HECW2: variants seen among roughly 807,000 people sequenced by gnomAD.
HECW2 encodes the protein E3 ubiquitin-protein ligase HECW2.
HECW2 carries 61 observed loss-of-function variants against 175.2 expected under a neutral mutation model. That is an observed-to-expected ratio of 0.35 (90% CI 0.28 to 0.43). The LOEUF is 0.43. Ranked by LOEUF, HECW2 falls within the 20% of genes least tolerant of loss-of-function variation. The probability of loss-of-function intolerance (pLI) is 1.00; values close to 1 mark genes in which losing one functional copy is unlikely to be tolerated. For missense variants in HECW2, 1,524 were observed against 2,000.5 expected (o/e 0.76, Z 4.54); for synonymous variants, 671 against 731.0 (o/e 0.92, Z 1.32).
chr2:196,393,060 T>G (rs1694560080), intron 2 of HECW2, among the ~76,000 whole-genome samples: 1 of 152,176 alleles, frequency 6.6e-6, no homozygotes, highest in Non-Finnish European at 1.5e-5. Context: ...GGGGAAAGGA[T>G]TCCCTATTTA....
chr2:196,284,409 G>C (rs1690305079), intron 14 of HECW2, among the ~76,000 whole-genome samples: 1 of 152,156 alleles, frequency 6.6e-6, no homozygotes, highest in Non-Finnish European at 1.5e-5. Context: ...TCTCAATTAA[G>C]ACCTCCATCA....
intron 2 of HECW2, among the ~76,000 whole-genome samples, chr2:196,366,804 T>C (rs532241690): frequency 5.3e-5 from 8 of 152,340 alleles, no homozygotes; most frequent in Admixed American, 6.5e-5. Flanking sequence ...ATCCCCCTTC[T>C]CTAATTCAAT....
At chr2:196,212,183 A>C (rs17300883) in intron 28 of HECW2, among the ~76,000 whole-genome samples, 9,614 of 121,954 alleles carry the variant, frequency 0.079, 1,012 homozygotes, top group African/African-American at 0.27. Context: ...TTTTTCTCCC[A>C]TGTGTGCAAT....
chr2:196,530,476 C>T (rs903858742), intron 1 of HECW2, among the ~76,000 whole-genome samples: 3 of 152,190 alleles, frequency 2.0e-5, no homozygotes, highest in Non-Finnish European at 4.4e-5. Flanking sequence ...GCCTAACTGA[C>T]CTTCCAGCCT....
chr2:196,203,068 T>A (rs62184562), intron 28 of HECW2, among the ~76,000 whole-genome samples: 19,894 of 152,188 alleles, frequency 0.13, 1,632 homozygotes, highest in Middle Eastern at 0.29. Context: ...TGTGGCATCA[T>A]GTTGGCACTC....
intron 1 of HECW2, among the ~76,000 whole-genome samples, chr2:196,583,812 G>T (rs1690879187): frequency 6.6e-6 from 1 of 152,168 alleles, no homozygotes; most frequent in South Asian, 2.1e-4. Context: ...TCAATACTGG[G>T]CATTACACAG....
In HECW2 at chr2:196,242,125, C is replaced by A. The variant is rs1168969784; in HGVS notation, c.3609G>T (p.Lys1203Asn). 1 of 1,614,192 alleles carries A rather than the reference C, an allele frequency of 6.2e-7. No homozygotes were observed. The highest frequency in any genetic ancestry group is 1.1e-5 in the South Asian group (1 of 91,078). Residue 1203 changes from lysine (K) to asparagine (N), a missense_variant, in exon 20 of 29, where the codon AAG (lysine) becomes AAT (asparagine). By Grantham distance (94) the Lys-to-Asn change is moderately conservative. Coordinates refer to ENST00000644978, the MANE Select transcript of HECW2 (RefSeq NM_001348768.2). ...FEAKLRNFYRKLETKGYGQGP... is the reference protein window; with the variant it reads ...FEAKLRNFYRNLETKGYGQGP... ...CTTGTCCATATCCTTTAGTCTCTAA[C>A]TTCCTGTAAAAGTTCCTCAGTTTGG...
chr2:196,389,603 T>G (rs549955407), intron 2 of HECW2, among the ~76,000 whole-genome samples: 1 of 152,182 alleles, frequency 6.6e-6, no homozygotes, highest in Admixed American at 6.5e-5. Flanking sequence ...ATCTGCCTCC[T>G]GCCTCTGCAA....
chr2:196,237,101 T>C (rs1047583691), intron 21 of HECW2, among the ~76,000 whole-genome samples: 1 of 152,234 alleles, frequency 6.6e-6, no homozygotes, highest in African/African-American at 2.4e-5. Context: ...ACCCCAGACC[T>C]ACAGCAGTTT....
At chr2:196,557,150 C>T (rs1321502101) in intron 1 of HECW2, among the ~76,000 whole-genome samples, 1 of 152,140 alleles carries the variant, frequency 6.6e-6, no homozygotes, top group African/African-American at 2.4e-5. Flanking sequence ...AATCCCAGCA[C>T]TTTGGGAGCC....
intron 2 of HECW2, among the ~76,000 whole-genome samples, chr2:196,365,976 C>T (rs547711166): frequency 9.9e-4 from 151 of 152,280 alleles, no homozygotes; most frequent in African/African-American, 3.5e-3. Context: ...CAAAGCTTAC[C>T]CATACTTTTG....
intron 1 of HECW2, among the ~76,000 whole-genome samples, chr2:196,488,629 TACACACAC>T (rs139434140): frequency 2.7e-5 from 4 of 147,080 alleles, no homozygotes; most frequent in African/African-American, 9.9e-5. Flanking sequence ...GAAGAATGAA[TACACACAC>T]ACACACACAC....
At chr2:196,354,751 T>C (rs546181244) in intron 2 of HECW2, among the ~76,000 whole-genome samples, 85 of 150,444 alleles carry the variant, frequency 5.6e-4, no homozygotes, top group African/African-American at 2.0e-3. Flanking sequence ...GCTTAAACTC[T>C]GGATCTTTAT....
chr2:196,236,814 A>G (rs1194432526), intron 21 of HECW2, among the ~76,000 whole-genome samples: 1 of 152,210 alleles, frequency 6.6e-6, no homozygotes, highest in Non-Finnish European at 1.5e-5. Context: ...CATATTATCA[A>G]CATGACTTGT....
intron 1 of HECW2, among the ~76,000 whole-genome samples, chr2:196,467,079 T>G (rs1480426332): frequency 1.3e-5 from 2 of 152,200 alleles, no homozygotes; most frequent in East Asian, 3.8e-4. Context: ...GATGTCAGCT[T>G]TAACTCCTAA....
intron 2 of HECW2, among the ~76,000 whole-genome samples, chr2:196,382,202 A>G (rs1201474114): frequency 8.0e-6 from 1 of 125,128 alleles, no homozygotes; most frequent in Non-Finnish European, 1.6e-5. Flanking sequence ...GTGTGTGTGT[A>G]TATACATATA....
At chr2:196,343,163 T>C (rs944509207) in intron 3 of HECW2, among the ~76,000 whole-genome samples, 1 of 152,242 alleles carries the variant, frequency 6.6e-6, no homozygotes, top group Middle Eastern at 3.4e-3. Flanking sequence ...AAGACCCCCA[T>C]GGGATACCAA....
intron 19 of HECW2, among the ~76,000 whole-genome samples, chr2:196,248,621 C>CAGAG (rs1410907463): frequency 0.013 from 1,811 of 138,242 alleles, 31 homozygotes; most frequent in African/African-American, 0.051. Flanking sequence ...CACACACACA[C>CAGAG]ACACACACAC....
At chr2:196,510,682 T>A (rs771726063) in intron 1 of HECW2, among the ~76,000 whole-genome samples, 2 of 152,130 alleles carry the variant, frequency 1.3e-5, no homozygotes, top group East Asian at 3.8e-4. Context: ...TCCACAAATA[T>A]GGGAATTGTT....
Sources: allele counts gnomAD v4.1 joint callset (sites outside exome capture counted in the v4.1 genomes callset), GRCh38; gene constraint gnomAD v4.1.1; transcripts MANE v1.5; gene names NCBI Gene and HGNC (gene_info 2026-07-23, HGNC 2026-07-21).